Variants in PTPRF observed in about 807,000 individuals in gnomAD.
PTPRF encodes receptor-type tyrosine-protein phosphatase F.
In PTPRF, 59 loss-of-function variants were observed where a neutral mutation model predicts 201.8. The ratio of observed to expected loss-of-function variants is 0.29; its 90% confidence interval spans 0.24 to 0.36. PTPRF has a LOEUF of 0.36. Ranked by LOEUF, PTPRF falls within the 10% of genes least tolerant of loss-of-function variation. PTPRF has a pLI of 1.00. For missense variants in PTPRF, 2,132 were observed against 2,690.5 expected, an observed-to-expected ratio of 0.79 and a Z score of 4.59; for synonymous variants, 1,088 against 1,089.7, an observed-to-expected ratio of 1.00 and a Z score of 0.03.
At chr1:43,607,797 C>T (rs1038342391) in intron 21 of PTPRF, among the ~76,000 whole-genome samples, 1 of 152,212 alleles carries the variant, frequency 6.6e-6, no homozygotes, top group Admixed American at 6.5e-5. Flanking sequence ...GCAATCTCAT[C>T]GTTCAGGACT....
chr1:43,619,009 G>A, intron 26 of PTPRF, 39 bp from the exon 27 acceptor site: 1 of 1,599,604 alleles, frequency 6.3e-7, no homozygotes, highest in Middle Eastern at 1.7e-4. Context: ...ATGGCAGGTA[G>A]GCTCCTAGTC....
At chr1:43,620,271 A>G in intron 30 of PTPRF, 50 bp downstream of exon 30, 1 of 1,607,188 alleles carries the variant, frequency 6.2e-7, no homozygotes, top group Non-Finnish European at 8.5e-7. Flanking sequence ...GGAGAACACC[A>G]GCCACCCTTG....
At position 43,616,044 on chromosome 1, in the gene PTPRF, C is replaced by T. The variant is rs548389010; in HGVS notation, c.4072-1401C>T. 3.3e-5 allele frequency among the ~76,000 whole-genome samples: 5 copies of T among 151,990 alleles called. No individual in the cohort carries two copies. The South Asian group carries it at 8.3e-4, about 25-fold the overall frequency. ...AGCATGCCCTGGTGTTGAATAGTAC[C>T]GACAGGCGTGCAAAAGGTGGGCTGA... is the stretch of plus-strand genomic sequence containing the variant. On this transcript the variant is annotated intron_variant, in intron 23 of 33. Transcript: ENST00000359947.
rs1267316094 is a variant in PTPRF, at chr1:43,588,398, C to A, written c.680-333C>A. 6.6e-6 allele frequency among the ~76,000 whole-genome samples: 1 copy of A among 152,182 alleles called. No individual in the cohort carries two copies. The highest frequency in any genetic ancestry group is 2.4e-5 in the African/African-American group (1 of 41,444). On this transcript the variant is annotated intron_variant, in intron 7 of 33. Coordinates refer to ENST00000359947, the MANE Select transcript of PTPRF (RefSeq NM_002840.5). This position sits in a 1 kb window ranked among gnomAD's most constrained non-coding sequence, Gnocchi z 5.3. ...GGTTGTGGTCCTGACCAGGCCTGGA[C>A]CTTGTACTGAGTCCCTGTGTGACCC...
intron 21 of PTPRF, among the ~76,000 whole-genome samples, chr1:43,607,734 C>T (rs1003061584): frequency 2.0e-5 from 3 of 152,234 alleles, no homozygotes; most frequent in Admixed American, 1.3e-4. Flanking sequence ...GTGTTCAGGC[C>T]CACACAGGGT....
intron 30 of PTPRF, 96 bp downstream of exon 30, chr1:43,620,317 A>G: frequency 1.3e-6 from 2 of 1,553,972 alleles, no homozygotes; most frequent in South Asian, 2.4e-5. Flanking sequence ...CTCCTTTGAC[A>G]CCCCAGCTGC....
chr1:43,558,418 C>T (rs1645543963), intron 5 of PTPRF, among the ~76,000 whole-genome samples: 1 of 152,128 alleles, frequency 6.6e-6, no homozygotes, highest in South Asian at 2.1e-4. Flanking sequence ...ACAGCCGTGC[C>T]CTTTGCACCT....
At chr1:43,599,054 G>C (rs566173238) in intron 13 of PTPRF, 141 bp downstream of exon 13, 2 of 901,722 alleles carry the variant, frequency 2.2e-6, no homozygotes, top group Non-Finnish European at 3.3e-6. Context: ...TGTGAGACCC[G>C]AGATGCTTTG....
intron 2 of PTPRF, among the ~76,000 whole-genome samples, chr1:43,540,348 T>C (rs2153957921): frequency 6.6e-6 from 1 of 152,080 alleles, no homozygotes; most frequent in African/African-American, 2.4e-5. Context: ...GTGGGGAAGA[T>C]GGATAGTGAT....
rs1658225558 is a variant in PTPRF, at chr1:43,617,762, GC to G, written c.4224del (p.Asn1409ThrfsTer40). On this transcript the variant is annotated frameshift_variant, in exon 25 of 34. Transcript: ENST00000359947. LOFTEE classifies it high-confidence loss of function. Reference protein sequence around the residue: ...DGVPGSDYINANYIDGYRKQN... With the variant: ...DGVPGSDYINXNYIDGYRKQN... ...CGTCCCCGGGAGTGACTACATCAAT[GC>G]CAACTACATCGATGGCTACCGCAAG... The G allele has an allele frequency of 6.2e-7, 1 of 1,613,944 alleles. No homozygotes were observed. The highest frequency in any genetic ancestry group is 1.3e-5 in the African/African-American group (1 of 74,914).
In PTPRF at chr1:43,597,326, CTATG is replaced by C. The variant is rs981804193; in HGVS notation, c.1814-418_1814-415del. 5.5e-4 allele frequency among the ~76,000 whole-genome samples: 83 copies of C among 151,938 alleles called. 1 individual carries two copies. Among genetic ancestry groups the C allele is most frequent in the African/African-American group, 1.9e-3 (80 of 41,402 alleles). ...ATATGTGGAGACTATGTGTGAGACA[CTATG>C]TATATGTGACACTATGTATGTGTGT... On this transcript the variant is annotated intron_variant, in intron 11 of 33. Transcript: ENST00000359947.
chr1:43,587,146 A>C (rs913453906), intron 7 of PTPRF, among the ~76,000 whole-genome samples: 2 of 152,118 alleles, frequency 1.3e-5, no homozygotes, highest in African/African-American at 4.8e-5. Context: ...GCAAGTGCTA[A>C]ATTAGGTAGG....
At chr1:43,602,558 G>A (rs1185287718) in intron 14 of PTPRF, among the ~76,000 whole-genome samples, 1 of 152,086 alleles carries the variant, frequency 6.6e-6, no homozygotes, top group Non-Finnish European at 1.5e-5. Context: ...GCAGCTGCAG[G>A]GGCCCCACTC....
At chr1:43,608,140 A>G (rs1655585553) in intron 21 of PTPRF, among the ~76,000 whole-genome samples, 1 of 152,066 alleles carries the variant, frequency 6.6e-6, no homozygotes, top group Non-Finnish European at 1.5e-5. Flanking sequence ...CCACAGATGC[A>G]CTCATCCTTC....
intron 5 of PTPRF, among the ~76,000 whole-genome samples, chr1:43,569,224 C>G (rs1036403749): frequency 7.8e-5 from 11 of 140,390 alleles, no homozygotes; most frequent in East Asian, 5.1e-4. Context: ...TGCTAGCCCC[C>G]CCCCCCACCC....
chr1:43,584,203 C>T (rs1648518517), intron 7 of PTPRF, among the ~76,000 whole-genome samples: 2 of 152,184 alleles, frequency 1.3e-5, no homozygotes, highest in Non-Finnish European at 2.9e-5. Flanking sequence ...ACTCACCTGT[C>T]CATTGGGTTT....
chr1:43,603,269 A>T lies in PTPRF; in HGVS notation c.2341-147A>T. The stretch of plus-strand genomic sequence containing the variant: ...TACCTGCCTGCTTCCTCTCCAGCAG[A>T]GGCCACCATTGTATAGCCCCACCTT... On this transcript the variant is annotated intron_variant, in intron 14 of 33. Transcript: ENST00000359947. This position sits in a 1 kb window ranked among gnomAD's most constrained non-coding sequence, Gnocchi z 5.8. The T allele has an allele frequency of 1.4e-6, 1 of 694,770 alleles. No homozygotes were observed. The highest frequency in any genetic ancestry group is 2.5e-6 in the Non-Finnish European group (1 of 401,444). The allele number at this position is 694,770 out of a possible 1,614,324, so 43.0% of individuals were successfully genotyped here. A position where few individuals can be genotyped will look rare whatever the true frequency, so the allele number is the denominator to read the frequency against.
rs3748795 is a variant in PTPRF, at chr1:43,591,135, C to T, written c.1113C>T (p.Thr371=). The T allele has an allele frequency of 4.7e-4, 760 of 1,613,614 alleles. 6 individuals are homozygous for T. In the East Asian group the frequency reaches 9.2e-3, roughly 19 times the overall value. The change falls in exon 9 of 34, where the codon ACC becomes ACT. Residue 371 remains threonine, a synonymous_variant. Transcript: ENST00000359947. ...TTCAGGAGGTGGATGGTGTGGCCAC[C>T]ACCCGCTACAGCATTGGCGGCCTCA... ...GPFQEVDGVA[T]TRYSIGGLSP...
chr1:43,604,711 A>G (rs899335809), intron 16 of PTPRF, among the ~76,000 whole-genome samples, 192 bp from the exon 17 acceptor site: 1 of 152,184 alleles, frequency 6.6e-6, no homozygotes, highest in Non-Finnish European at 1.5e-5. Context: ...TCACTGTGGA[A>G]GAGCTTGGGC....
Sources: gnomAD v4.1 joint callset for allele counts (sites outside exome capture counted in the v4.1 genomes callset) on GRCh38, gnomAD v4.1.1 for gene constraint, Gnocchi (gnomAD v3.1) non-coding constraint, MANE v1.5 for transcripts, NCBI Gene and HGNC (gene_info 2026-07-23, HGNC 2026-07-21) for gene names.